The following RPS24 variants were observed in gnomAD, a reference collection of about 807,000 sequenced individuals.
RPS24 encodes small ribosomal subunit protein eS24.
For synonymous variants in RPS24, 72 were observed against 55.6 expected (o/e 1.30, Z -1.31); for missense variants, 100 against 162.5 (o/e 0.62, Z 2.09).
intron 4 of RPS24, among the ~76,000 whole-genome samples, chr10:78,048,045 A>C (rs1848063377): frequency 6.6e-6 from 1 of 152,074 alleles, no homozygotes; most frequent in African/African-American, 2.4e-5. Flanking sequence ...ATCTCTTTCC[A>C]CTATAAAATT....
downstream of RPS24, among the ~76,000 whole-genome samples, chr10:78,044,611 T>G (rs542085525): frequency 2.0e-4 from 30 of 151,864 alleles, no homozygotes; most frequent in Admixed American, 1.8e-3. Context: ...CCAACTGTCC[T>G]TCCCCATCCA....
At chr10:78,045,342 C>G (rs1848032396), downstream of RPS24, among the ~76,000 whole-genome samples, 1 of 152,174 alleles carries the variant, frequency 6.6e-6, no homozygotes, top group South Asian at 2.1e-4. Flanking sequence ...AGTCACAGTT[C>G]CTGATCTCCA....
rs932181858 is a variant in RPS24, at chr10:78,040,644, T to C, written c.*49T>C. 6.2e-7 allele frequency: 1 copy of C among 1,614,164 alleles called. No homozygotes were observed. On this transcript the variant is annotated 3_prime_UTR_variant, in exon 6 of 6. Transcript: ENST00000372360. ...AGGAGTAAAGGTGCTGCAATGATGT[T>C]AGCTGTGGCCACTGTGGATTTTTCG... is the stretch of plus-strand genomic sequence containing the variant.
At chr10:78,052,174 C>G (rs1357590081) in intron 4 of RPS24, among the ~76,000 whole-genome samples, 2 of 152,060 alleles carry the variant, frequency 1.3e-5, no homozygotes, top group East Asian at 3.9e-4. Flanking sequence ...TATAGGCATG[C>G]ACCACCATGC....
intron 5 of RPS24, 185 bp downstream of exon 5, chr10:78,040,410 GCC>G: frequency 1.4e-6 from 1 of 713,726 alleles, no homozygotes; most frequent in Non-Finnish European, 2.4e-6. Flanking sequence ...GCAATATTTA[GCC>G]CATTATTTTT....
At position 78,040,603 on chromosome 10, in the gene RPS24, C is replaced by T. The variant is rs1554842630; in HGVS notation, c.*20-12C>T. 1 of 1,610,210 alleles carries T rather than the reference C, an allele frequency of 6.2e-7. No homozygotes were observed. The highest frequency in any genetic ancestry group is 1.7e-5 in the Admixed American group (1 of 59,994). ...GCAGTTGTTGACTAAACTTCTTTCT[C>T]TTGATTCACAGCCGAAGGAGTAAAG... On this transcript the variant is annotated splice_polypyrimidine_tract_variant and intron_variant, in intron 5 of 5. Coordinates refer to ENST00000372360, the MANE Select transcript of RPS24 (RefSeq NM_033022.4).
chr10:78,035,858 A>G (rs1847854627), intron 3 of RPS24, 138 bp downstream of exon 3: 12 of 791,336 alleles, frequency 1.5e-5, no homozygotes, highest in South Asian at 1.3e-4. Context: ...AAGTTATTTC[A>G]TAAAATGCAC....
At chr10:78,033,960 C>G in intron 1 of RPS24, 56 bp downstream of exon 1, 1 of 1,608,386 alleles carries the variant, frequency 6.2e-7, no homozygotes, top group Non-Finnish European at 8.5e-7. Flanking sequence ...CATCCGTGGT[C>G]CCTGGGTCCC....
At chr10:78,055,607 CT>C (rs944312907) in exon 5 of RPS24, 2 of 152,420 alleles carry the variant, frequency 1.3e-5, no homozygotes, top group African/African-American at 4.8e-5. Flanking sequence ...TCTTCCTCTG[CT>C]GTGGCACATG....
intron 4 of RPS24, chr10:78,037,519 C>A (rs1847898443): frequency 4.5e-6 from 3 of 661,398 alleles, no homozygotes; most frequent in East Asian, 6.7e-5. Flanking sequence ...CTTGTCAGCT[C>A]ACAGCACAAT....
downstream of RPS24, among the ~76,000 whole-genome samples, chr10:78,041,030 G>T (rs1403136790): frequency 2.0e-5 from 3 of 151,986 alleles, no homozygotes; most frequent in Non-Finnish European, 4.4e-5. Flanking sequence ...TCGAGACAGG[G>T]TCTAGCTTTG....
intron 4 of RPS24, among the ~76,000 whole-genome samples, chr10:78,051,407 G>A (rs1025031327): frequency 2.6e-5 from 4 of 152,216 alleles, no homozygotes; most frequent in African/African-American, 7.2e-5. Flanking sequence ...TGTCCACACC[G>A]TAGCATGTAT....
At chr10:78,044,681 C>T (rs60922881), downstream of RPS24, among the ~76,000 whole-genome samples, 1 of 151,202 alleles carries the variant, frequency 6.6e-6, no homozygotes, top group East Asian at 1.9e-4. Flanking sequence ...AGACCTGCCT[C>T]CCAGTGCCCA....
intron 4 of RPS24, among the ~76,000 whole-genome samples, chr10:78,046,345 C>CTTTTT (rs1564631924): frequency 7.7e-6 from 1 of 129,922 alleles, no homozygotes; most frequent in African/African-American, 3.9e-5. Context: ...ATCTCATTTA[C>CTTTTT]CTTTTTTTTT....
chr10:78,040,499 T>C, intron 5 of RPS24, 116 bp from the exon 6 acceptor site: 1 of 827,768 alleles, frequency 1.2e-6, no homozygotes, highest in South Asian at 1.4e-5. Context: ...TCAAAATAAC[T>C]TGATATTCTA....
intron 1 of RPS24, chr10:78,034,355 G>A: frequency 4.4e-6 from 1 of 228,734 alleles, no homozygotes; most frequent in South Asian, 6.6e-5. Context: ...TAGAAAACTT[G>A]TCAGCTGGAT....
At chr10:78,044,365 TG>T (rs1848020072), downstream of RPS24, among the ~76,000 whole-genome samples, 1 of 151,708 alleles carries the variant, frequency 6.6e-6, no homozygotes, top group Non-Finnish European at 1.5e-5. Flanking sequence ...ACTGGGGAGG[TG>T]GGAGCAGAGT....
intron 4 of RPS24, among the ~76,000 whole-genome samples, chr10:78,053,168 AAAC>A (rs1554843544): frequency 4.9e-5 from 7 of 141,764 alleles, no homozygotes; most frequent in East Asian, 2.1e-4. Flanking sequence ...AAACAAACAA[AAAC>A]AACAACAACA....
exon 5 of RPS24, chr10:78,055,060 C>T: frequency 6.9e-7 from 1 of 1,454,770 alleles, no homozygotes; most frequent in East Asian, 2.5e-5. Flanking sequence ...CTTCATCTCT[C>T]CACCTTCTTC....
Sources: allele counts gnomAD v4.1 joint callset (sites outside exome capture counted in the v4.1 genomes callset), GRCh38; gene constraint gnomAD v4.1.1; transcripts MANE v1.5; gene names NCBI Gene and HGNC (gene_info 2026-07-23, HGNC 2026-07-21).